MASP1: variants seen among roughly 807,000 people sequenced by gnomAD.
The protein encoded by MASP1 is MBL associated serine protease 1, also known as mannan-binding lectin serine protease 1.
MASP1 carries 59 observed loss-of-function variants against 77.1 expected under a neutral mutation model. The observed-to-expected ratio is 0.77, with a 90% confidence interval of 0.62 to 0.95. The LOEUF (loss-of-function observed/expected upper bound fraction) is 0.95, where lower values mean the gene tolerates loss of function less well. Ranked by LOEUF, MASP1 falls within the 40% of genes least tolerant of loss-of-function variation. MASP1 has a pLI of 0.00. For missense variants in MASP1, 885 were observed against 912.9 expected (o/e 0.97, Z 0.39); for synonymous variants, 362 against 354.5 (o/e 1.02, Z -0.24).
chr3:187,239,145 C>T (rs1713416312), intron 10 of MASP1, among the ~76,000 whole-genome samples: 1 of 150,258 alleles, frequency 6.7e-6, no homozygotes, highest in Admixed American at 6.7e-5. Flanking sequence ...GAGTTCGAGA[C>T]CAGCCTGACC....
At chr3:187,218,426 A>C (rs2108495156) in exon 16 of MASP1, 1 of 152,688 alleles carries the variant, frequency 6.5e-6, no homozygotes. Flanking sequence ...TGGCATTGAA[A>C]ATGGAGTTTC....
chr3:187,220,646 T>C (rs761583586), intron 15 of MASP1, among the ~76,000 whole-genome samples: 2 of 151,896 alleles, frequency 1.3e-5, no homozygotes, highest in African/African-American at 2.4e-5. Context: ...TACAGGCACC[T>C]GCCACCATGC....
chr3:187,247,183 G>A, intron 8 of MASP1: 2 of 1,536,038 alleles, frequency 1.3e-6, no homozygotes, highest in Non-Finnish European at 1.8e-6. Context: ...AGCTTCAACT[G>A]CTGAGATCAT....
At position 187,228,383 on chromosome 3, in the gene MASP1, G is replaced by A. The variant is rs138582139; in HGVS notation, c.1441+1377C>T. Among the ~76,000 whole-genome samples the A allele has an allele frequency of 4.7e-4, 72 of 151,884 alleles. No individual in the cohort carries two copies. The East Asian group carries it at 0.013, about 27-fold the overall frequency. On this transcript the variant is annotated intron_variant, in intron 11 of 15. Coordinates refer to the MASP1 transcript ENST00000337774. ...CTCTTACTTGCCCTCTAACAAAATC[G>A]GAGCTGTCTGGTGAAGCAGAGTCTT...
intron 1 of MASP1, among the ~76,000 whole-genome samples, chr3:187,289,563 C>T (rs1024588909): frequency 1.3e-5 from 2 of 152,138 alleles, no homozygotes; most frequent in East Asian, 3.8e-4. Context: ...CATGGCTTTA[C>T]GTAAAAAATT....
At chr3:187,245,631 C>T (rs1414269808) in intron 8 of MASP1, among the ~76,000 whole-genome samples, 1 of 152,156 alleles carries the variant, frequency 6.6e-6, no homozygotes, top group African/African-American at 2.4e-5. Flanking sequence ...AGTGACTTAA[C>T]CCCTCACAAG....
At chr3:187,287,750 G>A (rs546345399) in intron 1 of MASP1, among the ~76,000 whole-genome samples, 78 of 152,282 alleles carry the variant, frequency 5.1e-4, no homozygotes, top group African/African-American at 1.8e-3. Flanking sequence ...TCAATGCTGG[G>A]AAACCATACC....
rs1355139791 is a variant in MASP1, at chr3:187,224,531, A to G, written c.1741+793T>C. ...CCGGCTAATTTTTTGTATTTTTAGT[A>G]GAGACGGGGTTTCACCGTTTTAGCC... On this transcript the variant is annotated intron_variant, in intron 13 of 15. Coordinates refer to the MASP1 transcript ENST00000337774. Among the ~76,000 whole-genome samples the G allele has an allele frequency of 2.0e-5, 3 of 151,536 alleles. No homozygotes were observed. In the East Asian group the frequency reaches 5.8e-4, roughly 29 times the overall value.
chr3:187,250,113 C>T, intron 8 of MASP1, 138 bp downstream of exon 8: 2 of 775,100 alleles, frequency 2.6e-6, no homozygotes, highest in Non-Finnish European at 4.7e-6. Flanking sequence ...TTTTCCCAAC[C>T]CTTGTGTGTC....
chr3:187,235,697 T>C lies in MASP1; in HGVS notation c.2174A>G (p.Gln725Arg), dbSNP rs1028137801. Reference protein sequence around the residue: ...MGLPQSVVEPQVER With the variant: ...MGLPQSVVEPRVER ...AAGTAAGTCAGCTCACCGTTCCACC[T>C]GGGGCTCCACAACACTTTGTGGTAA... Residue 725 changes from glutamine (Q) to arginine (R), a missense_variant, in exon 11 of 11, where the codon CAG becomes CGG. Transcript: ENST00000296280. The C allele has an allele frequency of 4.3e-6, 7 of 1,614,040 alleles. No homozygotes were observed. The highest frequency in any genetic ancestry group is 5.1e-6 in the Non-Finnish European group (6 of 1,180,032).
At chr3:187,243,046 C>G in intron 9 of MASP1, 1 of 284,944 alleles carries the variant, frequency 3.5e-6, no homozygotes, top group Non-Finnish European at 6.8e-6. Context: ...CACCCAGAAG[C>G]CAAGGCAGAG....
chr3:187,261,132 C>G (rs560985209), intron 3 of MASP1, among the ~76,000 whole-genome samples: 5 of 152,254 alleles, frequency 3.3e-5, no homozygotes, highest in East Asian at 1.9e-4. Flanking sequence ...TCTGGTGGGA[C>G]CACTATCCTC....
At position 187,273,254 on chromosome 3, in the gene MASP1, G is replaced by C. The variant is rs145489089; in HGVS notation, c.238-10534C>G. Among the ~76,000 whole-genome samples, 520 of 152,336 alleles carry C rather than the reference G, an allele frequency of 3.4e-3. 3 individuals carry two copies. The highest frequency in any genetic ancestry group is 5.9e-3 in the Non-Finnish European group (398 of 68,030). On this transcript the variant is annotated intron_variant, in intron 2 of 10. Transcript: ENST00000296280. ...TTCACAACCCAGGCTGATAGAGCTG[G>C]AAGGGCACCTAGAGAGACCTCCCAG... is the stretch of plus-strand genomic sequence containing the variant.
chr3:187,287,182 G>T (rs910546480), intron 1 of MASP1, among the ~76,000 whole-genome samples: 6 of 152,164 alleles, frequency 3.9e-5, no homozygotes, highest in East Asian at 1.9e-4. Flanking sequence ...AGGGTAAAGC[G>T]TCTGCTCCTG....
chr3:187,228,678 T>G (rs1031817532), intron 11 of MASP1, among the ~76,000 whole-genome samples: 2 of 152,162 alleles, frequency 1.3e-5, no homozygotes, highest in African/African-American at 4.8e-5. Flanking sequence ...CTCCCTTCCC[T>G]TCTCTCCCTT....
chr3:187,229,805 G>A, downstream of MASP1: 1 of 1,614,194 alleles, frequency 6.2e-7, no homozygotes, highest in Non-Finnish European at 8.5e-7. Context: ...AGGTGTGACA[G>A]CATGGCAATC....
chr3:187,241,775 C>A (rs986680019), intron 9 of MASP1: 3 of 486,566 alleles, frequency 6.2e-6, no homozygotes, highest in Non-Finnish European at 1.1e-5. Flanking sequence ...CCAAAGGGAC[C>A]AATTAACCTC....
chr3:187,270,624 C>T lies in MASP1; in HGVS notation c.238-7904G>A, dbSNP rs142781653. On this transcript the variant is annotated intron_variant, in intron 2 of 10. Coordinates refer to ENST00000296280, the MANE Select transcript of MASP1 (RefSeq NM_139125.4). The stretch of plus-strand genomic sequence containing the variant: ...ATGCCGTGGTCCCTATCCTTTTCAT[C>T]CCTGTCCTGAATAAAGTCTGCCTTA... Among the ~76,000 whole-genome samples the T allele has an allele frequency of 3.9e-5, 6 of 152,310 alleles. No homozygotes were observed. In the East Asian group the frequency reaches 7.7e-4, roughly 20 times the overall value.
At chr3:187,282,116 G>A (rs1717464731) in intron 2 of MASP1, among the ~76,000 whole-genome samples, 1 of 152,114 alleles carries the variant, frequency 6.6e-6, no homozygotes, top group Non-Finnish European at 1.5e-5. Flanking sequence ...GTGCTTCAGG[G>A]TAACCAAGAA....
Sources: allele counts gnomAD v4.1 joint callset (sites outside exome capture counted in the v4.1 genomes callset), GRCh38; gene constraint gnomAD v4.1.1; transcripts MANE v1.5; gene names NCBI Gene and HGNC (gene_info 2026-07-23, HGNC 2026-07-21).